The following MYO16 variants were observed in gnomAD, a reference collection of about 807,000 sequenced individuals.
MYO16 encodes unconventional myosin-XVI.
Under a neutral mutation model 205.3 loss-of-function variants are expected in MYO16, and 94 were observed. That is an observed-to-expected ratio of 0.46 (90% CI 0.39 to 0.54). The LOEUF is 0.54. Ranked by LOEUF, MYO16 falls within the 20% of genes least tolerant of loss-of-function variation. MYO16 has a pLI of 0.00. For synonymous variants in MYO16, 988 were observed against 954.0 expected (o/e 1.04, Z -0.66); for missense variants, 2,315 against 2,387.5 (o/e 0.97, Z 0.63).
intron 4 of MYO16, among the ~76,000 whole-genome samples, chr13:108,731,112 T>C (rs998791650): frequency 1.3e-5 from 2 of 152,282 alleles, no homozygotes; most frequent in East Asian, 1.9e-4. Context: ...CTGGAAAAAT[T>C]TGATGTATAT....
At chr13:108,912,706 A>G (rs796868835) in intron 16 of MYO16, among the ~76,000 whole-genome samples, 32 of 152,138 alleles carry the variant, frequency 2.1e-4, no homozygotes, top group African/African-American at 7.5e-4. Context: ...TGGGGATTGC[A>G]TGTTGAGAGA....
intron 21 of MYO16, among the ~76,000 whole-genome samples, chr13:108,994,960 C>G (rs1007243558): frequency 6.6e-6 from 1 of 152,184 alleles, no homozygotes; most frequent in Non-Finnish European, 1.5e-5. Context: ...ACTTCAGCAT[C>G]TCCAACCTCA....
At chr13:108,530,046 G>C in the MYO16 span, among the ~76,000 whole-genome samples, 2 of 152,180 alleles carry the variant, frequency 1.3e-5, no homozygotes, top group Non-Finnish European at 2.9e-5. Context: ...GTGGGTCCGT[G>C]TGCATTCCCA....
At chr13:109,082,573 G>A (rs1188389301) in intron 27 of MYO16, among the ~76,000 whole-genome samples, 26 of 152,158 alleles carry the variant, frequency 1.7e-4, no homozygotes, top group Admixed American at 1.6e-3. Context: ...AGTGGCTCAT[G>A]CCTTTAATCC....
chr13:108,567,287 G>T, the MYO16 span, among the ~76,000 whole-genome samples: 4 of 152,214 alleles, frequency 2.6e-5, no homozygotes, highest in African/African-American at 9.6e-5. Context: ...TTGATGACTG[G>T]TTATGAAGGG....
At chr13:109,023,876 T>C (rs1203832513) in intron 23 of MYO16, among the ~76,000 whole-genome samples, 1 of 138,956 alleles carries the variant, frequency 7.2e-6, no homozygotes, top group Non-Finnish European at 1.5e-5. Context: ...TATTAAATTT[T>C]ATTAAATACT....
At chr13:108,785,006 C>T (rs1355737607) in intron 4 of MYO16, among the ~76,000 whole-genome samples, 2 of 152,026 alleles carry the variant, frequency 1.3e-5, no homozygotes, top group Non-Finnish European at 2.9e-5. Flanking sequence ...GATGAAGGGA[C>T]CTTGGAAGCT....
At chr13:108,807,837 T>C (rs1294288341) in intron 7 of MYO16, among the ~76,000 whole-genome samples, 2 of 152,178 alleles carry the variant, frequency 1.3e-5, no homozygotes, top group Non-Finnish European at 2.9e-5. Context: ...AAATACTAAT[T>C]TCTTAAAGTC....
chr13:109,062,830 T>C lies in MYO16; in HGVS notation c.3335+7235T>C, dbSNP rs369257994. On this transcript the variant is annotated intron_variant, in intron 27 of 34. Transcript: ENST00000457511. ...TAAAAAACAAAGCCTTGAGGTGTAA[T>C]TTAATAGAAATTTTTGGTTGTTTGT... 5.3e-5 allele frequency among the ~76,000 whole-genome samples: 8 copies of C among 152,242 alleles called. 1 individual carries two copies. Among genetic ancestry groups the C allele is most frequent in the Admixed American group, 6.5e-5 (1 of 15,286 alleles).
intron 23 of MYO16, among the ~76,000 whole-genome samples, chr13:109,036,616 G>T (rs190237665): frequency 6.6e-5 from 10 of 152,204 alleles, no homozygotes; most frequent in Non-Finnish European, 1.3e-4. Context: ...AAAATGCTAA[G>T]TTTTCTTTTG....
intron 3 of MYO16, among the ~76,000 whole-genome samples, chr13:108,722,172 T>A (rs572467319): frequency 2.6e-3 from 400 of 152,276 alleles, no homozygotes; most frequent in Non-Finnish European, 4.6e-3. Context: ...GGCTCCAGGC[T>A]GCAGGTGGAG....
At chr13:108,551,427 A>G in the MYO16 span, among the ~76,000 whole-genome samples, 1 of 152,028 alleles carries the variant, frequency 6.6e-6, no homozygotes, top group Non-Finnish European at 1.5e-5. Context: ...TATTTCTCAC[A>G]TTACCTTGAC....
intron 1 of MYO16, among the ~76,000 whole-genome samples, chr13:108,616,812 T>C (rs1879365813): frequency 6.6e-6 from 1 of 152,204 alleles, no homozygotes; most frequent in Admixed American, 6.5e-5. Flanking sequence ...TACGTCTTAA[T>C]TGAATATGAA....
chr13:109,017,271 T>C (rs1032469706), intron 22 of MYO16, among the ~76,000 whole-genome samples: 2 of 152,254 alleles, frequency 1.3e-5, no homozygotes, highest in African/African-American at 4.8e-5. Context: ...ATTCTTTTCT[T>C]TAAGAATGTT....
chr13:108,629,537 C>A, upstream of MYO16: 1 of 305,892 alleles, frequency 3.3e-6, no homozygotes. Flanking sequence ...ATGTGAACAC[C>A]AATTAGAGCT....
the MYO16 span, among the ~76,000 whole-genome samples, chr13:108,587,231 C>G: frequency 1.3e-5 from 2 of 152,194 alleles, no homozygotes; most frequent in East Asian, 3.8e-4. Context: ...ATGACCATGA[C>G]TGTGAGGAGT....
At chr13:108,857,524 T>C (rs749188082) in intron 11 of MYO16, among the ~76,000 whole-genome samples, 1 of 152,112 alleles carries the variant, frequency 6.6e-6, no homozygotes, top group Non-Finnish European at 1.5e-5. Flanking sequence ...CCAGGGAGGG[T>C]CTAAGGACTT....
At chr13:109,048,338 G>A in intron 24 of MYO16, 1 of 757,318 alleles carries the variant, frequency 1.3e-6, no homozygotes, top group Non-Finnish European at 2.5e-6. Flanking sequence ...TATTCTTTAG[G>A]AGGAAGGTGC....
chr13:108,628,210 G>T (rs1566513531), upstream of MYO16, among the ~76,000 whole-genome samples: 1 of 152,222 alleles, frequency 6.6e-6, no homozygotes, highest in East Asian at 1.9e-4. Context: ...ACCCAAAATG[G>T]TGACTTTTGT....
Sources: gnomAD v4.1 joint callset for allele counts (sites outside exome capture counted in the v4.1 genomes callset) on GRCh38, gnomAD v4.1.1 for gene constraint, MANE v1.5 for transcripts, NCBI Gene and HGNC (gene_info 2026-07-23, HGNC 2026-07-21) for gene names.